GRM5: variants seen among roughly 807,000 people sequenced by gnomAD.
GRM5 encodes glutamate metabotropic receptor 5.
A neutral mutation model predicts 83.1 loss-of-function variants in GRM5; 19 were observed. That is an observed-to-expected ratio of 0.23 (90% CI 0.16 to 0.34). The LOEUF (loss-of-function observed/expected upper bound fraction) is 0.34. Among genes scored for constraint, GRM5 ranks in the 10% least tolerant of loss-of-function variants. GRM5 has a pLI of 1.00. For missense variants in GRM5, 1,160 were observed against 1,588.3 expected, an observed-to-expected ratio of 0.73 and a Z score of 4.58; for synonymous variants, 675 against 633.6, an observed-to-expected ratio of 1.07 and a Z score of -0.98.
At chr11:88,815,928 CAG>C (rs368626960) in intron 3 of GRM5, among the ~76,000 whole-genome samples, 2,640 of 150,078 alleles carry the variant, frequency 0.018, 107 homozygotes, top group African/African-American at 0.064. Context: ...AAATTGGAAA[CAG>C]AGGCCGGGCG....
At chr11:88,597,064 A>C (rs555545950) in intron 6 of GRM5, 120 bp downstream of exon 6, 2 of 584,524 alleles carry the variant, frequency 3.4e-6, no homozygotes, top group South Asian at 5.5e-5. Context: ...AGAATTTCTG[A>C]CATTAGAAGC....
chr11:88,650,722 C>G (rs1441006639), intron 4 of GRM5, among the ~76,000 whole-genome samples: 2 of 151,918 alleles, frequency 1.3e-5, no homozygotes, highest in East Asian at 3.9e-4. Flanking sequence ...TATCTTTGAA[C>G]TATATATTGA....
chr11:88,753,123 A>G (rs1942317637), intron 3 of GRM5, among the ~76,000 whole-genome samples: 1 of 152,204 alleles, frequency 6.6e-6, no homozygotes, highest in African/African-American at 2.4e-5. Context: ...TAATTAAACT[A>G]AAGAGCTTCT....
intron 4 of GRM5, among the ~76,000 whole-genome samples, chr11:88,637,150 C>A (rs1939151790): frequency 6.6e-6 from 1 of 151,922 alleles, no homozygotes; most frequent in Admixed American, 6.6e-5. Flanking sequence ...GGCAGTATGG[C>A]CATTTTCATG....
At chr11:88,911,182 G>C (rs1352769034) in intron 2 of GRM5, among the ~76,000 whole-genome samples, 3 of 151,972 alleles carry the variant, frequency 2.0e-5, no homozygotes, top group Non-Finnish European at 4.4e-5. Flanking sequence ...TAAAAAAAGG[G>C]ACTAGTCCCC....
chr11:89,002,818 C>A (rs796110282), intron 2 of GRM5, among the ~76,000 whole-genome samples: 4 of 152,188 alleles, frequency 2.6e-5, no homozygotes, highest in Admixed American at 6.5e-5. Context: ...ATGCTTCCCC[C>A]CCAGAGAGCC....
At chr11:88,820,666 T>G (rs1408282842) in intron 3 of GRM5, among the ~76,000 whole-genome samples, 1 of 152,202 alleles carries the variant, frequency 6.6e-6, no homozygotes, top group African/African-American at 2.4e-5. Context: ...TAATTTGTGA[T>G]GAAAATTAAA....
At chr11:88,712,872 C>T (rs1433415482) in intron 3 of GRM5, among the ~76,000 whole-genome samples, 1 of 151,984 alleles carries the variant, frequency 6.6e-6, no homozygotes, top group Non-Finnish European at 1.5e-5. Context: ...TAATGTAAAG[C>T]CAAAGTTATT....
At chr11:88,803,837 A>G in intron 3 of GRM5, among the ~76,000 whole-genome samples, 1 of 152,200 alleles carries the variant, frequency 6.6e-6, no homozygotes, top group Non-Finnish European at 1.5e-5. Flanking sequence ...ACAAATTTAC[A>G]AGAAAAAAAC....
intron 8 of GRM5, among the ~76,000 whole-genome samples, chr11:88,534,908 G>A (rs1282104702): frequency 6.6e-6 from 1 of 152,172 alleles, no homozygotes; most frequent in East Asian, 1.9e-4. Context: ...AAGAGCTGAT[G>A]GTTTGATAAG....
intron 3 of GRM5, among the ~76,000 whole-genome samples, chr11:88,731,255 G>T (rs1941800738): frequency 6.6e-6 from 1 of 151,998 alleles, no homozygotes. Context: ...TTATACATGA[G>T]TCTCTAGTAA....
intron 4 of GRM5, among the ~76,000 whole-genome samples, chr11:88,640,426 A>G (rs1033675487): frequency 4.6e-5 from 7 of 152,186 alleles, no homozygotes. Flanking sequence ...ATCACAGAAG[A>G]CTTCTGTGAC....
chr11:88,795,447 G>A (rs1291815720), intron 3 of GRM5, among the ~76,000 whole-genome samples: 2 of 152,142 alleles, frequency 1.3e-5, no homozygotes. Context: ...CATGAACAAA[G>A]ATACTCTACT....
intron 3 of GRM5, among the ~76,000 whole-genome samples, chr11:88,679,970 C>A (rs1940436273): frequency 6.6e-6 from 1 of 152,078 alleles, no homozygotes; most frequent in Non-Finnish European, 1.5e-5. Context: ...GTTGAAACAA[C>A]TTCAATTATT....
rs761675737 is a variant in GRM5, at chr11:88,590,738, T to C, written c.1564-11A>G. On this transcript the variant is annotated splice_polypyrimidine_tract_variant and intron_variant, in intron 6 of 9. Transcript: ENST00000305447. ...TCCCTTTCGGATCACCTAAGGCAAA[T>C]ATTTGAAATTTAGATTTTTTTTTGC... 1.1e-5 allele frequency: 17 copies of C among 1,604,692 alleles called. No homozygotes were observed. The highest frequency in any genetic ancestry group is 1.4e-5 in the Non-Finnish European group (16 of 1,174,324).
intron 8 of GRM5, among the ~76,000 whole-genome samples, chr11:88,556,980 A>G (rs1942644072): frequency 6.6e-6 from 1 of 152,172 alleles, no homozygotes; most frequent in African/African-American, 2.4e-5. Context: ...AAATACATTC[A>G]TCATGACCTT....
chr11:88,820,120 C>T (rs1177976905), intron 3 of GRM5, among the ~76,000 whole-genome samples: 1 of 151,846 alleles, frequency 6.6e-6, no homozygotes, highest in East Asian at 1.9e-4. Context: ...AGTGTACATG[C>T]CTGTAATCCC....
At chr11:88,539,231 G>A (rs1257308606) in intron 8 of GRM5, among the ~76,000 whole-genome samples, 1 of 152,202 alleles carries the variant, frequency 6.6e-6, no homozygotes, top group Non-Finnish European at 1.5e-5. Flanking sequence ...CCCCTGGCAA[G>A]GCCCTGTTTC....
chr11:88,635,499 T>A (rs1939093389), intron 4 of GRM5, among the ~76,000 whole-genome samples: 1 of 152,212 alleles, frequency 6.6e-6, no homozygotes, highest in Admixed American at 6.5e-5. Context: ...AAATCCTTAG[T>A]CCAGGTTTTA....
Sources: gnomAD v4.1 joint callset for allele counts (sites outside exome capture counted in the v4.1 genomes callset) on GRCh38, gnomAD v4.1.1 for gene constraint, MANE v1.5 for transcripts, NCBI Gene and HGNC (gene_info 2026-07-23, HGNC 2026-07-21) for gene names.